The following HCLS1 variants were observed in gnomAD, a reference collection of about 807,000 sequenced individuals.
HCLS1 encodes the protein hematopoietic cell-specific Lyn substrate 1.
Under a neutral mutation model 68.6 loss-of-function variants are expected in HCLS1, and 44 were observed. The observed-to-expected ratio is 0.64, with a 90% CI of 0.50 to 0.82. HCLS1 has a LOEUF of 0.82. Ranked by LOEUF, HCLS1 falls within the 40% of genes least tolerant of loss-of-function variation. The probability of loss-of-function intolerance (pLI) is 0.00; values close to 1 mark genes in which losing one functional copy is unlikely to be tolerated. For synonymous variants in HCLS1, 217 were observed against 225.8 expected (o/e 0.96, Z 0.35); for missense variants, 602 against 612.1 (o/e 0.98, Z 0.17).
intron 3 of HCLS1, chr3:121,657,038 G>A (rs1209126433): frequency 5.0e-6 from 2 of 397,262 alleles, no homozygotes; most frequent in Non-Finnish European, 4.5e-6. Context: ...AAATAGCAGA[G>A]TTGTTAGGTA....
chr3:121,637,225 C>T lies in HCLS1; in HGVS notation c.486G>A (p.Gly162=), dbSNP rs139861864. 45 of 1,613,468 alleles carry T rather than the reference C, an allele frequency of 2.8e-5. No individual in the cohort carries two copies. The African/African-American group carries it at 5.9e-4, about 21-fold the overall frequency. Reference sequence around the variant, plus strand: ...CTTTGTCCCATTTATCCTTCTCCACCCCGTACCGGCCACCAAAGCCACGAG... The same window carrying T: ...CTTTGTCCCATTTATCCTTCTCCACTCCGTACCGGCCACCAAAGCCACGAG... ...DYSRGFGGRY[G]VEKDKWDKAA... is the part of the protein sequence containing the mutation. Residue 162 remains glycine (G), a synonymous_variant, in exon 7 of 14, where the codon GGG becomes GGA. Transcript: ENST00000314583.
Position 121,633,170 on chromosome 3 carries a change from G to T in HCLS1, c.905C>A (p.Ala302Asp). 2 of 1,594,514 alleles carry T rather than the reference G, an allele frequency of 1.3e-6. No individual in the cohort carries two copies. The highest frequency in any genetic ancestry group is 1.3e-5 in the African/African-American group (1 of 74,408). ...APLPKKISSE[A>D]WPPVGTPPSS... ...TGGAGGAGTCCCAACTGGAGGCCAG[G>T]CCTGTGGAAAATGAAGCATCTCTCA... The change falls in exon 11 of 14, where the codon GCC (alanine) becomes GAC (aspartate). Residue 302 changes from alanine to aspartate, a missense_variant and splice_region_variant. Ala to Asp is a moderately radical substitution (Grantham distance 126). Coordinates refer to ENST00000314583, the MANE Select transcript of HCLS1 (RefSeq NM_005335.6).
chr3:121,648,034 C>G (rs149787965), intron 3 of HCLS1, among the ~76,000 whole-genome samples: 29 of 152,266 alleles, frequency 1.9e-4, no homozygotes, highest in African/African-American at 7.0e-4. Flanking sequence ...CTACCTTTCA[C>G]TAGTGTACTA....
rs1164032163 is a variant in HCLS1 at position 121,641,283 on chromosome 3, G to T, written c.454+1644C>A. On this transcript the variant is annotated intron_variant, in intron 6 of 13. Coordinates refer to ENST00000314583, the MANE Select transcript of HCLS1 (RefSeq NM_005335.6). ...ACACAAGAGAGATGTCAGAGACGAT[G>T]AAATAAGATCTTCAAAGTGATGAAG... Among the ~76,000 whole-genome samples the T allele has an allele frequency of 2.0e-5, 3 of 152,242 alleles. No individual in the cohort carries two copies. The East Asian group carries it at 5.8e-4, about 29-fold the overall frequency.
intron 3 of HCLS1, among the ~76,000 whole-genome samples, chr3:121,648,913 A>C (rs377321539): frequency 5.9e-5 from 9 of 152,338 alleles, no homozygotes; most frequent in African/African-American, 2.2e-4. Context: ...AGTACCAAGG[A>C]CATGTAAATG....
intron 9 of HCLS1, 29 bp from the exon 10 acceptor site, chr3:121,634,447 T>A (rs1232044644): frequency 1.9e-6 from 3 of 1,606,942 alleles, no homozygotes; most frequent in Non-Finnish European, 2.6e-6. Context: ...AAAATTAGGG[T>A]TGTCTTGGAT....
chr3:121,644,279 G>A (rs1268417255), intron 5 of HCLS1: 4 of 219,242 alleles, frequency 1.8e-5, no homozygotes, highest in African/African-American at 9.1e-5. Context: ...GTAATCATAC[G>A]GTACTTTTTT....
intron 6 of HCLS1, 121 bp from the exon 7 acceptor site, chr3:121,637,377 G>A: frequency 6.0e-6 from 4 of 668,800 alleles, no homozygotes. Flanking sequence ...AAAGAGCAGG[G>A]CTTGAATACA....
intron 3 of HCLS1, among the ~76,000 whole-genome samples, chr3:121,649,443 C>G (rs1359281240): frequency 6.6e-6 from 1 of 152,210 alleles, no homozygotes; most frequent in Non-Finnish European, 1.5e-5. Flanking sequence ...CCATGTTGGC[C>G]AGGCTGGTCT....
intron 4 of HCLS1, among the ~76,000 whole-genome samples, 186 bp downstream of exon 4, chr3:121,647,133 C>A (rs1937622972): frequency 6.6e-6 from 1 of 151,474 alleles, no homozygotes; most frequent in African/African-American, 2.4e-5. Flanking sequence ...AGGCACCCAC[C>A]ACGACGCACG....
chr3:121,646,046 TTAA>T (rs2049243756), intron 4 of HCLS1, among the ~76,000 whole-genome samples: 1 of 128,058 alleles, frequency 7.8e-6, no homozygotes, highest in Non-Finnish European at 1.6e-5. Context: ...ATATAATGTA[TTAA>T]TATATAATAT....
At position 121,635,732 on chromosome 3, in the gene HCLS1, C is replaced by T. The variant is rs2049143741; in HGVS notation, c.691+3G>A. ...GCATGGAGAGTGAATCACTAAGCCT[C>T]ACCGGCTTCTATGGGCGTCGTCTTC... On this transcript the variant is annotated splice_donor_region_variant and intron_variant, in intron 9 of 13. Transcript: ENST00000314583. 1 of 1,611,254 alleles carries T rather than the reference C, an allele frequency of 6.2e-7. No homozygotes were observed. The highest frequency in any genetic ancestry group is 2.2e-5 in the East Asian group (1 of 44,886).
At chr3:121,648,762 A>C (rs762389253) in intron 3 of HCLS1, among the ~76,000 whole-genome samples, 1 of 152,142 alleles carries the variant, frequency 6.6e-6, no homozygotes, top group Non-Finnish European at 1.5e-5. Flanking sequence ...TAATTTTAGA[A>C]AGCTGGCTAT....
In HCLS1 at chr3:121,643,036, T is replaced by C. The variant is rs1053647936; in HGVS notation, c.400-55A>G. On this transcript the variant is annotated intron_variant, in intron 5 of 13. Transcript: ENST00000314583. ...GAGTCAGAGCTGACAGGTTTTCCTCTTCCTAACCTCCCCTTACTCCCAGCC... is the reference window on the plus strand; with the variant it reads ...GAGTCAGAGCTGACAGGTTTTCCTCCTCCTAACCTCCCCTTACTCCCAGCC... 9.7e-6 allele frequency: 14 copies of C among 1,442,550 alleles called. No individual in the cohort carries two copies. The East Asian group carries it at 3.0e-4, about 30-fold the overall frequency. 89.4% of individuals were successfully genotyped at this position (1,442,550 alleles called of 1,614,324 possible). A position where few individuals can be genotyped will look rare whatever the true frequency, so the allele number is the denominator to read the frequency against.
chr3:121,652,547 G>A (rs1016796740), intron 3 of HCLS1, among the ~76,000 whole-genome samples: 34 of 152,078 alleles, frequency 2.2e-4, no homozygotes, highest in African/African-American at 4.6e-4. Flanking sequence ...CCAGCTACTC[G>A]GGAAGCTGAG....
intron 6 of HCLS1, among the ~76,000 whole-genome samples, chr3:121,639,850 T>G (rs9289173): frequency 6.6e-6 from 1 of 151,992 alleles, no homozygotes; most frequent in Admixed American, 6.6e-5. Context: ...AAGTTTCTAC[T>G]TTAAGAGGCT....
At chr3:121,655,680 G>GTTTTTTTTT (rs4048704) in intron 3 of HCLS1, 3 of 118,306 alleles carry the variant, frequency 2.5e-5, no homozygotes, top group Non-Finnish European at 5.2e-5. Flanking sequence ...GGGTCTTGTG[G>GTTTTTTTTT]TTTTTTTTTT....
At chr3:121,643,218 G>GT (rs1212781771) in intron 5 of HCLS1, 1 of 381,512 alleles carries the variant, frequency 2.6e-6, no homozygotes, top group East Asian at 4.3e-5. Context: ...TATAGTTGTT[G>GT]AAGTTTAAGC....
At chr3:121,635,284 CCTCT>C (rs1560137480) in intron 9 of HCLS1, among the ~76,000 whole-genome samples, 2 of 140,360 alleles carry the variant, frequency 1.4e-5, no homozygotes, top group Non-Finnish European at 3.1e-5. Flanking sequence ...TCCTCTCTCT[CCTCT>C]CTCTCTCTTT....
Sources: gnomAD v4.1 joint callset for allele counts (sites outside exome capture counted in the v4.1 genomes callset) on GRCh38, gnomAD v4.1.1 for gene constraint, MANE v1.5 for transcripts, NCBI Gene and HGNC (gene_info 2026-07-23, HGNC 2026-07-21) for gene names.